TMEM117: variants seen among roughly 807,000 people sequenced by gnomAD.
TMEM117 encodes transmembrane protein 117.
A neutral mutation model predicts 52.4 loss-of-function variants in TMEM117; 27 were observed. The ratio of observed to expected loss-of-function variants is 0.51; its 90% CI spans 0.38 to 0.71. TMEM117 has a LOEUF of 0.71. TMEM117 is among the 30% of genes least tolerant of loss of function. The pLI, the probability that TMEM117 is intolerant of heterozygous loss-of-function variation, is 0.00. For missense variants in TMEM117, 556 were observed against 630.5 expected (o/e 0.88, Z 1.26); for synonymous variants, 215 against 206.3 (o/e 1.04, Z -0.36).
intron 3 of TMEM117, among the ~76,000 whole-genome samples, chr12:44,080,190 G>C (rs1947459144): frequency 6.6e-6 from 1 of 152,022 alleles, no homozygotes; most frequent in Non-Finnish European, 1.5e-5. Context: ...ACATACCCAA[G>C]ACTGGGTAAT....
chr12:43,796,630 T>C, the TMEM117 span, among the ~76,000 whole-genome samples: 2 of 152,246 alleles, frequency 1.3e-5, no homozygotes, highest in Non-Finnish European at 2.9e-5. Flanking sequence ...ATAGGACTTT[T>C]TGCACTGATG....
intron 5 of TMEM117, among the ~76,000 whole-genome samples, chr12:44,274,146 G>A (rs1950483571): frequency 1.3e-5 from 2 of 152,086 alleles, no homozygotes; most frequent in East Asian, 1.9e-4. Context: ...AAAATCAGTA[G>A]CATTTCTATG....
chr12:43,979,561 A>T lies in TMEM117; in HGVS notation c.410+35219A>T, dbSNP rs1013006887. 4.6e-5 allele frequency among the ~76,000 whole-genome samples: 7 copies of T among 152,304 alleles called. No individual in the cohort carries two copies. In the East Asian group the frequency reaches 1.4e-3, roughly 29 times the overall value. On this transcript the variant is annotated intron_variant, in intron 3 of 7. Transcript: ENST00000266534. Reference sequence around the variant, plus strand: ...TGTCCTGTTTTGCAAGGGGAATAGTATAAAAGCAGTCTTTTAAGTCAACAA... The same window carrying T: ...TGTCCTGTTTTGCAAGGGGAATAGTTTAAAAGCAGTCTTTTAAGTCAACAA...
rs1766192890 is a variant in TMEM117, at chr12:44,388,562, A to G, written c.1435A>G (p.Lys479Glu). 2 of 1,613,556 alleles carry G rather than the reference A, an allele frequency of 1.2e-6. No individual in the cohort carries two copies. The highest frequency in any genetic ancestry group is 2.2e-5 in the South Asian group (2 of 91,072). Residue 479 changes from lysine to glutamate, a missense_variant, in exon 8 of 8, where the codon AAG (lysine) becomes GAG (glutamate). Physicochemically the swap from Lys to Glu is moderately conservative, Grantham distance 56. Around this residue, in one of 3 missense-constraint regions of TMEM117, gnomAD observed 206 missense variants for 211.1 expected, o/e 0.98. Coordinates refer to ENST00000266534, the MANE Select transcript of TMEM117 (RefSeq NM_032256.3). ...GTCTGACTTCAATGAGATCGTCTAC[A>G]AGTCTTCCCACCTAACCTCGGAAAA... ...IRSDFNEIVYKSSHLTSENLS... is the reference protein window; with the variant it reads ...IRSDFNEIVYESSHLTSENLS...
At chr12:44,064,104 A>G (rs1345640572) in intron 3 of TMEM117, among the ~76,000 whole-genome samples, 1 of 152,178 alleles carries the variant, frequency 6.6e-6, no homozygotes, top group African/African-American at 2.4e-5. Context: ...GCAGGATCAA[A>G]AAAGACAACC....
At chr12:44,042,915 G>A (rs539449252) in intron 3 of TMEM117, among the ~76,000 whole-genome samples, 3 of 152,066 alleles carry the variant, frequency 2.0e-5, no homozygotes, top group Admixed American at 6.5e-5. Flanking sequence ...CATTGGTTTT[G>A]GGTTTCTGGA....
the TMEM117 span, among the ~76,000 whole-genome samples, chr12:43,809,226 C>A: frequency 6.6e-6 from 1 of 152,180 alleles, no homozygotes; most frequent in South Asian, 2.1e-4. Flanking sequence ...CATCTTGTTT[C>A]TTCTCTGAAT....
intron 4 of TMEM117, among the ~76,000 whole-genome samples, chr12:44,161,001 C>T (rs1029729150): frequency 5.9e-5 from 9 of 152,102 alleles, no homozygotes; most frequent in Middle Eastern, 3.2e-3. Flanking sequence ...TATTTTATAG[C>T]TGAGGAAGTA....
chr12:44,272,698 G>A (rs372200182), intron 5 of TMEM117, among the ~76,000 whole-genome samples: 4 of 152,168 alleles, frequency 2.6e-5, no homozygotes, highest in East Asian at 1.9e-4. Flanking sequence ...TTAGAATGGC[G>A]ATCATTAAAA....
chr12:44,316,569 CT>C (rs1471124487), intron 6 of TMEM117, among the ~76,000 whole-genome samples: 4 of 152,056 alleles, frequency 2.6e-5, no homozygotes, highest in Non-Finnish European at 2.9e-5. Context: ...TGATGATGTT[CT>C]TTTTGTATGG....
chr12:43,999,490 G>A (rs746543183), intron 3 of TMEM117, among the ~76,000 whole-genome samples: 1 of 152,068 alleles, frequency 6.6e-6, no homozygotes, highest in Non-Finnish European at 1.5e-5. Flanking sequence ...GATGGTTTTT[G>A]TTTGTTTGAG....
At chr12:43,826,228 A>C in the TMEM117 span, among the ~76,000 whole-genome samples, 1 of 152,186 alleles carries the variant, frequency 6.6e-6, no homozygotes, top group Non-Finnish European at 1.5e-5. Context: ...TCTAAGGGTA[A>C]TCCAATTCTT....
Position 44,136,385 on chromosome 12 carries a change from G to T in TMEM117, c.411-7140G>T, listed in dbSNP as rs570340679. ...TGGAGTGTTTGGGAAGTTGATAAAA[G>T]AAAAGAATTAAACTATGAAAGAAAC... On this transcript the variant is annotated intron_variant, in intron 3 of 7. Transcript: ENST00000266534. 1.1e-3 allele frequency among the ~76,000 whole-genome samples: 160 copies of T among 152,206 alleles called. 2 individuals carry two copies. The Middle Eastern group carries it at 0.017, about 16-fold the overall frequency.
intron 4 of TMEM117, among the ~76,000 whole-genome samples, chr12:44,154,754 T>C (rs1477939752): frequency 1.3e-5 from 2 of 150,878 alleles, no homozygotes; most frequent in Non-Finnish European, 2.9e-5. Flanking sequence ...CCAAACAATA[T>C]GCTATATATC....
intron 6 of TMEM117, among the ~76,000 whole-genome samples, chr12:44,325,293 T>C (rs1951180732): frequency 6.6e-6 from 1 of 152,170 alleles, no homozygotes; most frequent in Non-Finnish European, 1.5e-5. Context: ...CAGTGAAAAC[T>C]ATGAATATCC....
intron 3 of TMEM117, among the ~76,000 whole-genome samples, chr12:44,018,901 G>A (rs1946413683): frequency 6.6e-6 from 1 of 151,826 alleles, no homozygotes; most frequent in African/African-American, 2.4e-5. Flanking sequence ...TGTATTTTTA[G>A]TAGAGATGGG....
chr12:43,960,930 A>G (rs1211476978), intron 3 of TMEM117, among the ~76,000 whole-genome samples: 1 of 152,126 alleles, frequency 6.6e-6, no homozygotes, highest in Non-Finnish European at 1.5e-5. Flanking sequence ...GGCAAACTAA[A>G]TTTTTAAGGT....
intron 4 of TMEM117, among the ~76,000 whole-genome samples, chr12:44,192,582 GTGAAGTATTGGT>G (rs1382521712): frequency 1.3e-5 from 2 of 152,040 alleles, no homozygotes; most frequent in Non-Finnish European, 2.9e-5. Context: ...TTTAATATAG[GTGAAGTATTGGT>G]TGAATGCACT....
chr12:44,389,065 TACAAC>T lies in TMEM117; in HGVS notation c.*394_*398del. 2 of 154,198 alleles carry T rather than the reference TACAAC, an allele frequency of 1.3e-5. No individual in the cohort carries two copies. The highest frequency in any genetic ancestry group is 1.7e-4 in the South Asian group (1 of 5,904). 9.6% of individuals were successfully genotyped at this position (154,198 alleles called of 1,614,324 possible). A position where few individuals can be genotyped will look rare whatever the true frequency, so the allele number is the denominator to read the frequency against. ...ACCTATTTCACATGGGCGTTTTGTA[TACAAC>T]TATTTTGATCTACACTTGATGTCTG... On this transcript the variant is annotated 3_prime_UTR_variant, in exon 8 of 8. Coordinates refer to ENST00000266534, the MANE Select transcript of TMEM117 (RefSeq NM_032256.3).
Sources: gnomAD v4.1 joint callset for allele counts (sites outside exome capture counted in the v4.1 genomes callset) on GRCh38, gnomAD v4.1.1 for gene constraint, gnomAD v4.1.1 regional missense constraint, MANE v1.5 for transcripts, NCBI Gene and HGNC (gene_info 2026-07-23, HGNC 2026-07-21) for gene names.